The following THADA variants were observed in gnomAD, a reference collection of about 807,000 sequenced individuals.
THADA encodes the protein tRNA (32-2'-O)-methyltransferase regulator THADA.
THADA carries 213 observed loss-of-function variants against 219.8 expected under a neutral mutation model. That is an observed-to-expected ratio of 0.97 (90% confidence interval 0.87 to 1.09). THADA has a LOEUF of 1.09. THADA is among the 50% of genes least tolerant of loss of function. The pLI, the probability that THADA is intolerant of heterozygous loss-of-function variation, is 0.00. For missense variants in THADA, 2,956 were observed against 2,311.3 expected (o/e 1.28, Z -5.72); for synonymous variants, 1,018 against 828.9 (o/e 1.23, Z -3.92).
chr2:43,566,753 T>G lies in THADA; in HGVS notation c.2256A>C (p.Arg752Ser). Residue 752 changes from arginine (R) to serine (S), a missense_variant, in exon 15 of 38, where the codon AGA becomes AGC. Physicochemically the swap from Arg to Ser is moderately radical, Grantham distance 110. Coordinates refer to ENST00000405975, the MANE Select transcript of THADA (RefSeq NM_022065.5). ...AACCTAAAATGGTTAAAGCTGAAAATCTAGTCGAGTAGGAAGATCCAGGAA... is the reference window on the plus strand; with the variant it reads ...AACCTAAAATGGTTAAAGCTGAAAAGCTAGTCGAGTAGGAAGATCCAGGAA... The part of the protein sequence containing the change: ...ALFPGSSYST[R>S]FSALTILGSI... The G allele has an allele frequency of 6.3e-7, 1 of 1,583,968 alleles. No homozygotes were observed. Among genetic ancestry groups the G allele is most frequent in the South Asian group, 1.2e-5 (1 of 83,792 alleles).
chr2:43,396,109 C>T (rs890371463), intron 29 of THADA, among the ~76,000 whole-genome samples: 4 of 152,116 alleles, frequency 2.6e-5, no homozygotes, highest in Admixed American at 6.5e-5. Flanking sequence ...CTCTGGGAGC[C>T]GCAACCCCTT....
chr2:43,291,219 G>C (rs1047125465), intron 34 of THADA, among the ~76,000 whole-genome samples: 3 of 151,772 alleles, frequency 2.0e-5, no homozygotes, highest in African/African-American at 7.3e-5. Flanking sequence ...GGAGGCCGAG[G>C]CGGGTGGATC....
At chr2:43,493,229 G>T (rs1687866212) in intron 25 of THADA, among the ~76,000 whole-genome samples, 1 of 152,184 alleles carries the variant, frequency 6.6e-6, no homozygotes, top group Admixed American at 6.5e-5. Flanking sequence ...AGGCGCAGTG[G>T]CTCACACCTG....
chr2:43,585,566 AGATAGATAGAT>A (rs1387379076), intron 7 of THADA, among the ~76,000 whole-genome samples: 1,521 of 151,496 alleles, frequency 0.01, 24 homozygotes, highest in African/African-American at 0.034. Context: ...ATAGATAGAT[AGATAGATAGAT>A]AGAAAGAAAT....
At chr2:43,469,210 A>G (rs1167631445) in intron 26 of THADA, among the ~76,000 whole-genome samples, 1 of 152,134 alleles carries the variant, frequency 6.6e-6, no homozygotes, top group East Asian at 1.9e-4. Context: ...ACAAAAGCAT[A>G]AAAAGGAAAA....
Position 43,505,704 on chromosome 2 carries a change from C to A in THADA, c.3539G>T (p.Arg1180Ile). ...CATTGTTATTTTCAACAAATCCATT[C>A]TGCCTTTCTTTGGTTCAGATGCCAA... ...ALLASEPKKG[R>I]MDLLKITMKE... is the part of the protein sequence containing the mutation. Residue 1180 changes from arginine (R) to isoleucine (I), a missense_variant, in exon 24 of 38, where the codon AGA becomes ATA. Transcript: ENST00000405975. 1 of 1,589,408 alleles carries A rather than the reference C, an allele frequency of 6.3e-7. No homozygotes were observed. The highest frequency in any genetic ancestry group is 2.2e-5 in the East Asian group (1 of 44,536).
chr2:43,565,070 T>G (rs1357822131), intron 15 of THADA: 2 of 152,230 alleles, frequency 1.3e-5, no homozygotes, highest in African/African-American at 4.8e-5. Flanking sequence ...TTCAATTTCC[T>G]GAATTTGATC....
At chr2:43,342,027 C>G (rs192240084) in intron 30 of THADA, among the ~76,000 whole-genome samples, 1 of 152,246 alleles carries the variant, frequency 6.6e-6, no homozygotes, top group African/African-American at 2.4e-5. Flanking sequence ...CCTGGGCAAT[C>G]TGTTGAAACT....
intron 30 of THADA, among the ~76,000 whole-genome samples, chr2:43,336,168 A>T (rs1330508830): frequency 6.6e-6 from 1 of 152,024 alleles, no homozygotes; most frequent in Non-Finnish European, 1.5e-5. Context: ...CTGAGGTGAG[A>T]GGATCACTTG....
intron 31 of THADA, among the ~76,000 whole-genome samples, chr2:43,295,426 C>T (rs1459440619): frequency 6.6e-6 from 1 of 152,242 alleles, no homozygotes; most frequent in Non-Finnish European, 1.5e-5. Context: ...TATGAATCCT[C>T]TTAATTGTAT....
chr2:43,425,837 G>C (rs535243678), intron 28 of THADA, among the ~76,000 whole-genome samples: 7 of 152,298 alleles, frequency 4.6e-5, no homozygotes, highest in Admixed American at 4.6e-4. Context: ...GGTTCAGAGA[G>C]CAAGCAAGGC....
chr2:43,334,930 T>A (rs906357664), intron 30 of THADA, among the ~76,000 whole-genome samples: 9 of 152,050 alleles, frequency 5.9e-5, no homozygotes, highest in Admixed American at 3.9e-4. Context: ...AGGGAGAGAA[T>A]CTTGGGCTGA....
At chr2:43,576,089 T>A (rs6730741) in intron 10 of THADA, among the ~76,000 whole-genome samples, 50,723 of 151,828 alleles carry the variant, frequency 0.33, 8,682 homozygotes, top group South Asian at 0.39. Context: ...AGGAAAAAAA[T>A]TTTTAAAGAA....
rs778234484 is a variant in THADA at position 43,231,012 on chromosome 2, C to G, written c.5798G>C (p.Ser1933Thr). The G allele has an allele frequency of 6.2e-7, 1 of 1,613,946 alleles. No homozygotes were observed. Among genetic ancestry groups the G allele is most frequent in the East Asian group, 2.2e-5 (1 of 44,882 alleles). ...GKEGEDTLVL[S>T]VWDSYAESRQ... is the part of the protein sequence containing the mutation. The stretch of plus-strand genomic sequence containing the variant: ...CGATTCTGCATAAGAGTCCCAAACA[C>G]TGAGAACTAGGGTGTCTTCCCCTTC... The change falls in exon 38 of 38, where the codon AGT becomes ACT. Residue 1933 changes from serine to threonine, a missense_variant. Coordinates refer to ENST00000405975, the MANE Select transcript of THADA (RefSeq NM_022065.5).
intron 29 of THADA, among the ~76,000 whole-genome samples, chr2:43,397,418 T>C (rs1011412177): frequency 5.3e-5 from 8 of 152,204 alleles, no homozygotes; most frequent in Admixed American, 2.6e-4. Flanking sequence ...ATGTTATTCT[T>C]TTCTAGAAGA....
At chr2:43,282,993 A>T (rs1213946186) in intron 35 of THADA, among the ~76,000 whole-genome samples, 1 of 152,172 alleles carries the variant, frequency 6.6e-6, no homozygotes, top group Non-Finnish European at 1.5e-5. Flanking sequence ...GTTGAATTGG[A>T]GTGGATGGTG....
intron 7 of THADA, among the ~76,000 whole-genome samples, chr2:43,582,961 T>C (rs1468140962): frequency 6.6e-6 from 1 of 152,118 alleles, no homozygotes; most frequent in Non-Finnish European, 1.5e-5. Flanking sequence ...CATCCTCTTC[T>C]CCCTGATCTT....
intron 25 of THADA, among the ~76,000 whole-genome samples, chr2:43,491,009 A>G (rs1687565704): frequency 6.6e-6 from 1 of 152,180 alleles, no homozygotes; most frequent in African/African-American, 2.4e-5. Context: ...ACTGGCATGA[A>G]AGCCTACTTC....
intron 21 of THADA, among the ~76,000 whole-genome samples, chr2:43,538,815 A>G (rs376481237): frequency 6.6e-6 from 1 of 152,152 alleles, no homozygotes; most frequent in Non-Finnish European, 1.5e-5. Context: ...GTTTGTGAAT[A>G]TATCACTGAA....
Sources: allele counts gnomAD v4.1 joint callset (sites outside exome capture counted in the v4.1 genomes callset), GRCh38; gene constraint gnomAD v4.1.1; transcripts MANE v1.5; gene names NCBI Gene and HGNC (gene_info 2026-07-23, HGNC 2026-07-21).